SLC11A1: variants seen among roughly 807,000 people sequenced by gnomAD.
The protein encoded by SLC11A1 is natural resistance-associated macrophage protein 1.
SLC11A1 carries 59 observed loss-of-function variants against 63.2 expected under a neutral mutation model. The observed-to-expected ratio is 0.93, with a 90% CI of 0.76 to 1.16. The LOEUF is 1.16. Among genes scored for constraint, SLC11A1 ranks in the 50% most tolerant of loss-of-function variants. The pLI, the probability that SLC11A1 is intolerant of heterozygous loss-of-function variation, is 0.00. For synonymous variants in SLC11A1, 305 were observed against 307.8 expected (o/e 0.99, Z 0.09); for missense variants, 688 against 730.7 (o/e 0.94, Z 0.67).
chr2:218,394,047 G>GCCCATCTTGCC (rs1216280427), intron 12 of SLC11A1, 73 bp from the exon 13 acceptor site: 10 of 1,507,828 alleles, frequency 6.6e-6, no homozygotes, highest in Non-Finnish European at 9.2e-6. Flanking sequence ...GTCAAGCCAC[G>GCCCATCTTGCC]CCCATCTTGC....
At chr2:218,391,991 C>T (rs1256655268) in intron 11 of SLC11A1, 6 of 278,100 alleles carry the variant, frequency 2.2e-5, no homozygotes, top group Non-Finnish European at 3.6e-5. Flanking sequence ...CTCTTGACCT[C>T]GTGATCCGCC....
chr2:218,391,283 A>C lies in SLC11A1; in HGVS notation c.1040A>C (p.Gln347Pro). 2.4e-6 allele frequency: 1 copy of C among 425,444 alleles called. No homozygotes were observed. The highest frequency in any genetic ancestry group is 1.8e-5 in the South Asian group (1 of 55,934). The allele number at this position is 425,444 out of a possible 1,614,324, so 26.4% of individuals were successfully genotyped here. The change falls in exon 10 of 15, where the codon CAG becomes CCG. Residue 347 changes from glutamine to proline, a missense_variant. Physicochemically the swap from Gln to Pro is moderately conservative, Grantham distance 76. Transcript: ENST00000233202. The stretch of plus-strand genomic sequence containing the variant: ...GCCACCGTGGCCGTGGACATTTACC[A>C]GGGGGTGAGCGCGGGTGGGTGGGGA... ...NNATVAVDIY[Q>P]GGVILGCLFG...
intron 8 of SLC11A1, 166 bp downstream of exon 8, chr2:218,388,121 G>C (rs529002133): frequency 1.2e-6 from 1 of 828,966 alleles, no homozygotes; most frequent in African/African-American, 1.7e-5. Flanking sequence ...TGTAATCCCA[G>C]CACTTTGGGA....
At chr2:218,392,139 C>G in intron 11 of SLC11A1, 1 of 379,688 alleles carries the variant, frequency 2.6e-6, no homozygotes, top group Non-Finnish European at 5.3e-6. Context: ...GCGCGATCTC[C>G]GGCTCACCGC....
At chr2:218,392,781 G>A (rs1207175907) in intron 11 of SLC11A1, 200 bp from the exon 12 acceptor site, 2 of 492,464 alleles carry the variant, frequency 4.1e-6, no homozygotes, top group East Asian at 3.5e-5. Context: ...TTAGTCTTCA[G>A]CAACCAGCTA....
intron 4 of SLC11A1, chr2:218,385,637 C>T (rs983962000): frequency 1.9e-5 from 7 of 366,994 alleles, no homozygotes; most frequent in Admixed American, 3.5e-5. Context: ...ATGATCCACC[C>T]ACCTCAGTCT....
At chr2:218,391,112 G>A (rs1696407249) in intron 9 of SLC11A1, 86 bp from the exon 10 acceptor site, 1 of 1,178,752 alleles carries the variant, frequency 8.5e-7, no homozygotes, top group Admixed American at 1.8e-5. Context: ...CACCAGTTTT[G>A]GAACCCTGGT....
Position 218,395,102 on chromosome 2 carries a change from C to G in SLC11A1, c.*67C>G. 8.1e-7 allele frequency: 1 copy of G among 1,234,784 alleles called. No individual in the cohort carries two copies. Among genetic ancestry groups the G allele is most frequent in the Non-Finnish European group, 1.1e-6 (1 of 869,576 alleles). The allele number at this position is 1,234,784 out of a possible 1,614,324, so 76.5% of individuals were successfully genotyped here. The stretch of plus-strand genomic sequence containing the variant: ...ACTGGCCTGCTGGATGTGGAGGGGG[C>G]GCGTGCAGGCAGCAGGATAGAGTGG... On this transcript the variant is annotated 3_prime_UTR_variant, in exon 15 of 15. Coordinates refer to ENST00000233202, the MANE Select transcript of SLC11A1 (RefSeq NM_000578.4).
At position 218,384,505 on chromosome 2, in the gene SLC11A1, C is replaced by A; in HGVS notation, c.273+140C>A. On this transcript the variant is annotated intron_variant, in intron 3 of 14. Coordinates refer to ENST00000233202, the MANE Select transcript of SLC11A1 (RefSeq NM_000578.4). The surrounding 1 kb of genome is among the most constrained non-coding windows in gnomAD (Gnocchi z 4.0). ...TTCAAATGGGCCCGAAAAGGGTCCC[C>A]AGGGCAGCCCTGCCAGAAGGTGGGG... 1.0e-6 allele frequency: 1 copy of A among 968,596 alleles called. No homozygotes were observed. Among genetic ancestry groups the A allele is most frequent in the Non-Finnish European group, 1.5e-6 (1 of 686,502 alleles). The allele number at this position is 968,596 out of a possible 1,614,324, so 60.0% of individuals were successfully genotyped here. A position where few individuals can be genotyped will look rare whatever the true frequency, so the allele number is the denominator to read the frequency against.
intron 7 of SLC11A1, 77 bp downstream of exon 7, chr2:218,387,709 G>C (rs927234990): frequency 1.6e-5 from 26 of 1,611,326 alleles, no homozygotes; most frequent in Middle Eastern, 3.8e-4. Context: ...CGCGGGCTGC[G>C]GGGGGCTGGG....
chr2:218,391,653 T>TCAA, intron 11 of SLC11A1, 158 bp downstream of exon 11: 3 of 981,208 alleles, frequency 3.1e-6, no homozygotes, highest in Non-Finnish European at 4.3e-6. Context: ...AGACGGAGTC[T>TCAA]CGCTCTTGTC....
chr2:218,394,252 C>T, intron 13 of SLC11A1, 59 bp downstream of exon 13: 3 of 1,517,572 alleles, frequency 2.0e-6, no homozygotes, highest in Admixed American at 1.7e-5. Context: ...CTCACAGCCA[C>T]CCAGAGGTAC....
chr2:218,386,805 C>T (rs752494281), intron 5 of SLC11A1, 64 bp downstream of exon 5: 5 of 1,171,878 alleles, frequency 4.3e-6, no homozygotes, highest in African/African-American at 3.0e-5. Flanking sequence ...TACTTCCCCC[C>T]CTAACCAGTC....
chr2:218,382,479 T>A, intron 1 of SLC11A1, 104 bp downstream of exon 1: 1 of 1,241,984 alleles, frequency 8.1e-7, no homozygotes. Context: ...TGGTCCCCTG[T>A]GGAAGCCTCT....
chr2:218,387,054 G>A, intron 5 of SLC11A1, 106 bp from the exon 6 acceptor site: 4 of 1,040,546 alleles, frequency 3.8e-6, no homozygotes, highest in Non-Finnish European at 6.1e-6. Context: ...GGGGCGCTTA[G>A]GGTCCTGCTC....
rs754813133 is a variant in SLC11A1 at position 218,394,163 on chromosome 2, C to T, written c.1358C>T (p.Pro453Leu). Residue 453 changes from proline to leucine, a missense_variant, in exon 13 of 15, where the codon CCC (proline) becomes CTC (leucine). Coordinates refer to ENST00000233202, the MANE Select transcript of SLC11A1 (RefSeq NM_000578.4). ...VLPILTFTSMPTLMQEFANGL... is the reference protein window; with the variant it reads ...VLPILTFTSMLTLMQEFANGL... Reference sequence around the variant, plus strand: ...CCCATCCTCACGTTCACCAGCATGCCCACCCTCATGCAGGAGTTTGCCAAT... The same window carrying T: ...CCCATCCTCACGTTCACCAGCATGCTCACCCTCATGCAGGAGTTTGCCAAT... 9.9e-6 allele frequency: 16 copies of T among 1,614,046 alleles called. No individual in the cohort carries two copies. Among genetic ancestry groups the T allele is most frequent in the South Asian group, 1.1e-5 (1 of 91,088 alleles).
rs961575240 is a variant in SLC11A1, at chr2:218,391,627, T to TTTG, written c.1164+145_1164+147dup. The TTTG allele has an allele frequency of 6.1e-5, 74 of 1,215,798 alleles. 2 individuals are homozygous for TTTG. Among genetic ancestry groups the TTTG allele is most frequent in the Middle Eastern group, 5.7e-4 (2 of 3,502 alleles). 75.3% of individuals were successfully genotyped at this position (1,215,798 alleles called of 1,614,324 possible). On this transcript the variant is annotated intron_variant, in intron 11 of 14. Coordinates refer to ENST00000233202, the MANE Select transcript of SLC11A1 (RefSeq NM_000578.4). ...TTCTTCCTTTTTTTTTGTTTTTGTT[T>TTTG]TTGTTGTTGTTGTTGAGACGGAGTC...
intron 3 of SLC11A1, 90 bp from the exon 4 acceptor site, chr2:218,385,057 A>C: frequency 3.5e-5 from 55 of 1,550,532 alleles, no homozygotes; most frequent in Non-Finnish European, 4.1e-5. Context: ...CCCCTCCCCG[A>C]GGAGTATGCT....
At chr2:218,392,493 C>G (rs1281815862) in intron 11 of SLC11A1, 1 of 155,334 alleles carries the variant, frequency 6.4e-6, no homozygotes, top group Non-Finnish European at 1.4e-5. Context: ...TGCCACCACA[C>G]CAGGCTAATT....
Sources: allele counts gnomAD v4.1 joint callset, GRCh38; gene constraint gnomAD v4.1.1; non-coding constraint Gnocchi (gnomAD v3.1); transcripts MANE v1.5; gene names NCBI Gene and HGNC (gene_info 2026-07-23, HGNC 2026-07-21).